The following LIN54 variants were observed in gnomAD, a reference collection of about 807,000 sequenced individuals.
LIN54 encodes the protein lin-54 DREAM MuvB core complex component.
In LIN54, 9 loss-of-function variants were observed where a neutral mutation model predicts 78.7. That is an observed-to-expected ratio of 0.11 (90% CI 0.07 to 0.20). LIN54 has a LOEUF of 0.20. Among genes scored for constraint, LIN54 ranks in the 10% least tolerant of loss-of-function variants. LIN54 has a pLI of 1.00. For synonymous variants in LIN54, 269 were observed against 318.4 expected (o/e 0.84, Z 1.65); for missense variants, 573 against 889.9 (o/e 0.64, Z 4.53).
chr4:82,984,019 C>T (rs888003272), intron 2 of LIN54, 142 bp downstream of exon 2: 4 of 583,724 alleles, frequency 6.9e-6, no homozygotes, highest in Non-Finnish European at 1.1e-5. Flanking sequence ...AACTTAAAAA[C>T]ACACACACAC....
At chr4:82,996,837 C>T (rs1246216493) in intron 1 of LIN54, among the ~76,000 whole-genome samples, 1 of 151,788 alleles carries the variant, frequency 6.6e-6, no homozygotes, top group Non-Finnish European at 1.5e-5. Flanking sequence ...AAACAGTCAC[C>T]CATTTAGAAA....
At chr4:83,002,177 C>T (rs1417255945) in intron 1 of LIN54, among the ~76,000 whole-genome samples, 1 of 151,152 alleles carries the variant, frequency 6.6e-6, no homozygotes, top group African/African-American at 2.4e-5. Flanking sequence ...TGACATGGAC[C>T]CTTCTACGAT....
chr4:82,951,444 T>C (rs1361162743), intron 4 of LIN54, among the ~76,000 whole-genome samples: 2 of 152,120 alleles, frequency 1.3e-5, no homozygotes, highest in African/African-American at 4.8e-5. Flanking sequence ...AATGATGATA[T>C]GAAGCAAAAT....
chr4:82,990,665 A>G (rs1397217924), intron 1 of LIN54, among the ~76,000 whole-genome samples: 1 of 151,816 alleles, frequency 6.6e-6, no homozygotes, highest in East Asian at 1.9e-4. Context: ...TTGTATTTTT[A>G]GTAGAGACAG....
At chr4:82,967,396 G>T (rs1725292240) in intron 4 of LIN54, among the ~76,000 whole-genome samples, 1 of 152,162 alleles carries the variant, frequency 6.6e-6, no homozygotes, top group Non-Finnish European at 1.5e-5. Flanking sequence ...GGAAAATTCT[G>T]CAAGAAAGAA....
At chr4:82,929,375 T>C (rs960339032) in intron 12 of LIN54, among the ~76,000 whole-genome samples, 1 of 152,170 alleles carries the variant, frequency 6.6e-6, no homozygotes, top group African/African-American at 2.4e-5. Flanking sequence ...TTAATCTCCA[T>C]GTGGAGATTA....
Position 82,924,797 on chromosome 4 carries a change from T to C in LIN54, c.*3305A>G, listed in dbSNP as rs1721339255. On this transcript the variant is annotated 3_prime_UTR_variant, in exon 13 of 13. Coordinates refer to ENST00000340417, the MANE Select transcript of LIN54 (RefSeq NM_194282.4). ...ACTCCAATAGAAAGGGATTTTTAGT[T>C]GATTGCCTTCCCTTCTGCTTTGGGT... 6.6e-6 allele frequency: 1 copy of C among 152,448 alleles called. No homozygotes were observed. The highest frequency in any genetic ancestry group is 6.5e-5 in the Admixed American group (1 of 15,288). The allele number at this position is 152,448 out of a possible 1,614,324, so 9.4% of individuals were successfully genotyped here.
chr4:82,940,494 G>A (rs1448781943), intron 5 of LIN54, among the ~76,000 whole-genome samples: 1 of 152,166 alleles, frequency 6.6e-6, no homozygotes, highest in African/African-American at 2.4e-5. Flanking sequence ...CCAGGTTCAA[G>A]CGATTCTTGT....
In LIN54 at chr4:82,946,263, T is replaced by C. The variant is rs1723353488; in HGVS notation, c.1163A>G (p.Gln388Arg). 6.2e-7 allele frequency: 1 copy of C among 1,612,642 alleles called. No individual in the cohort carries two copies. ...QNPSTNTQPL[Q>R]QAKPVVVNTT... ...TTTAAAAAATGGTTACTAACCTTGC[T>C]GAAGAGGCTGAGTGTTTGTACTGGG... The change falls in exon 5 of 13, where the codon CAG becomes CGG. Residue 388 changes from glutamine to arginine, a missense_variant. Physicochemically the swap from Gln to Arg is conservative, Grantham distance 43. Coordinates refer to ENST00000340417, the MANE Select transcript of LIN54 (RefSeq NM_194282.4).
intron 5 of LIN54, among the ~76,000 whole-genome samples, chr4:82,942,672 GAC>G (rs1184651921): frequency 6.6e-6 from 1 of 152,116 alleles, no homozygotes; most frequent in Non-Finnish European, 1.5e-5. Flanking sequence ...TGGGAGAGAT[GAC>G]AGTCGCTGTT....
chr4:82,936,529 T>C (rs1405787562), intron 9 of LIN54, 148 bp from the exon 10 acceptor site: 1 of 511,712 alleles, frequency 2.0e-6, no homozygotes, highest in Non-Finnish European at 3.5e-6. Flanking sequence ...GTTAAAGAGT[T>C]AACAACACAT....
chr4:82,940,048 TATTCTC>T, intron 5 of LIN54, 86 bp from the exon 6 acceptor site: 1 of 901,862 alleles, frequency 1.1e-6, no homozygotes, highest in Non-Finnish European at 1.7e-6. Flanking sequence ...TCTCCCAAGT[TATTCTC>T]ATAAAAGAGC....
intron 1 of LIN54, among the ~76,000 whole-genome samples, chr4:83,006,547 CAAT>C (rs1019711827): frequency 6.6e-5 from 10 of 150,526 alleles, no homozygotes; most frequent in Non-Finnish European, 1.3e-4. Context: ...CAGCATCATG[CAAT>C]AATACCCAGG....
At chr4:82,968,030 G>A (rs1725349166) in intron 4 of LIN54, among the ~76,000 whole-genome samples, 1 of 151,202 alleles carries the variant, frequency 6.6e-6, no homozygotes, top group Non-Finnish European at 1.5e-5. Flanking sequence ...AAACAAGCTT[G>A]TTTTTGTTTT....
At chr4:82,948,708 C>G (rs1048753175) in intron 4 of LIN54, among the ~76,000 whole-genome samples, 1 of 150,934 alleles carries the variant, frequency 6.6e-6, no homozygotes, top group African/African-American at 2.4e-5. Context: ...GCTACCCCCA[C>G]CCAGTAACCA....
At chr4:82,971,070 C>G (rs948421625) in intron 3 of LIN54, among the ~76,000 whole-genome samples, 1 of 152,130 alleles carries the variant, frequency 6.6e-6, no homozygotes. Flanking sequence ...ACTCTAGTGT[C>G]TGGATGCTTG....
intron 1 of LIN54, among the ~76,000 whole-genome samples, chr4:82,985,564 G>A (rs749669255): frequency 4.6e-5 from 7 of 151,646 alleles, no homozygotes; most frequent in Admixed American, 2.0e-4. Flanking sequence ...TTATTGAGAC[G>A]GAGTCTCACT....
chr4:82,941,149 G>GATATATATATAGATATATATATATAT (rs1553947747), intron 5 of LIN54, among the ~76,000 whole-genome samples: 25 of 131,138 alleles, frequency 1.9e-4, no homozygotes, highest in African/African-American at 6.7e-4. Context: ...GAGTTAAGAG[G>GATATATATATAGATATATATATATAT]ATATATATAT....
chr4:82,948,060 G>A lies in LIN54; in HGVS notation c.952-1586C>T, dbSNP rs192486957. 1.8e-3 allele frequency among the ~76,000 whole-genome samples: 273 copies of A among 152,134 alleles called. 1 individual carries two copies. The highest frequency in any genetic ancestry group is 3.4e-3 in the Middle Eastern group (1 of 294). ...AAGAGATAACAGCAGCCATACCAGT[G>A]AATTAAATGAAAACAGAAAGCATAA... is the stretch of plus-strand genomic sequence containing the variant. On this transcript the variant is annotated intron_variant, in intron 4 of 12. Coordinates refer to ENST00000340417, the MANE Select transcript of LIN54 (RefSeq NM_194282.4).
Sources: allele counts gnomAD v4.1 joint callset (sites outside exome capture counted in the v4.1 genomes callset), GRCh38; gene constraint gnomAD v4.1.1; transcripts MANE v1.5; gene names NCBI Gene and HGNC (gene_info 2026-07-23, HGNC 2026-07-21).